Variants in SLC12A6 observed in about 807,000 individuals in gnomAD.
The protein encoded by SLC12A6 is solute carrier family 12 member 6, also known as K-Cl cotransporter 3.
In SLC12A6, 66 loss-of-function variants were observed where a neutral mutation model predicts 135.3. The observed-to-expected ratio is 0.49, with a 90% CI of 0.40 to 0.60. The LOEUF is 0.60. Among genes scored for constraint, SLC12A6 ranks in the 20% least tolerant of loss-of-function variants. SLC12A6 has a pLI of 0.00. For synonymous variants in SLC12A6, 513 were observed against 508.8 expected (o/e 1.01, Z -0.11); for missense variants, 1,058 against 1,452.3 (o/e 0.73, Z 4.41).
chr15:34,292,010 C>G (rs419179), intron 2 of SLC12A6, among the ~76,000 whole-genome samples: 58,217 of 151,578 alleles, frequency 0.38, 14,138 homozygotes, highest in African/African-American at 0.7. Context: ...CATTCTCCAT[C>G]CAGTTTTGTT....
At position 34,336,582 on chromosome 15, in the gene SLC12A6, C is replaced by T. The variant is rs1313511406; in HGVS notation, c.99G>A (p.Pro33=). ...GGGAACTAGATCGAGAGCTGAGGTC[C>T]GGACTGGTGTCTGACAAACCTGGAA... The part of the protein sequence containing the change: ...DDIPGLSDTS[P]DLSSRSSSRV... Residue 33 remains proline (P), a synonymous_variant, in exon 2 of 26, where the codon CCG becomes CCA. Transcript: ENST00000354181. 3.7e-6 allele frequency: 6 copies of T among 1,613,664 alleles called. No individual in the cohort carries two copies. The highest frequency in any genetic ancestry group is 1.3e-5 in the African/African-American group (1 of 74,884).
chr15:34,300,458 C>T (rs1168164008), intron 2 of SLC12A6, among the ~76,000 whole-genome samples: 6 of 151,970 alleles, frequency 3.9e-5, no homozygotes, highest in African/African-American at 1.5e-4. Flanking sequence ...GTGAGATTCC[C>T]CTACTCCCCT....
intron 2 of SLC12A6, among the ~76,000 whole-genome samples, chr15:34,293,824 A>T (rs542989725): frequency 1.3e-4 from 20 of 152,280 alleles, no homozygotes; most frequent in African/African-American, 4.6e-4. Flanking sequence ...GGCTGGCCAC[A>T]AACTCCTGTT....
chr15:34,269,809 A>G (rs1893789389), intron 3 of SLC12A6, among the ~76,000 whole-genome samples: 1 of 151,918 alleles, frequency 6.6e-6, no homozygotes. Flanking sequence ...GAGGAAAACT[A>G]CTTCACAGTG....
chr15:34,284,277 CTTTTTTTTTTTT>C (rs71415558), intron 2 of SLC12A6, among the ~76,000 whole-genome samples: 23 of 92,494 alleles, frequency 2.5e-4, no homozygotes, highest in African/African-American at 4.0e-4. Flanking sequence ...TGTTTCTTTT[CTTTTTTTTTTTT>C]TTTTTTTTTT....
chr15:34,245,965 C>A, intron 13 of SLC12A6, 98 bp from the exon 14 acceptor site: 1 of 892,442 alleles, frequency 1.1e-6, no homozygotes, highest in South Asian at 1.4e-5. Context: ...CAGAATCTCA[C>A]TCTGTCACCC....
rs773146624 is a variant in SLC12A6, at chr15:34,260,921, A to G, written c.411+5T>C. Reference sequence around the variant, plus strand: ...CTCAGTCCATAGTTTTCTCCAAAATATTACCTCAAAGAGTGCCAAATTTTT... The same window carrying G: ...CTCAGTCCATAGTTTTCTCCAAAATGTTACCTCAAAGAGTGCCAAATTTTT... On this transcript the variant is annotated splice_donor_5th_base_variant and intron_variant, in intron 4 of 25. Coordinates refer to ENST00000354181, the MANE Select transcript of SLC12A6 (RefSeq NM_001365088.1). 6 of 1,180,218 alleles carry G rather than the reference A, an allele frequency of 5.1e-6. No homozygotes were observed. Among genetic ancestry groups the G allele is most frequent in the Non-Finnish European group, 7.7e-6 (6 of 784,130 alleles). 73.1% of individuals were successfully genotyped at this position (1,180,218 alleles called of 1,614,324 possible). A position where few individuals can be genotyped will look rare whatever the true frequency, so the allele number is the denominator to read the frequency against.
chr15:34,260,446 G>T (rs543188044), intron 4 of SLC12A6, among the ~76,000 whole-genome samples: 3 of 151,730 alleles, frequency 2.0e-5, no homozygotes, highest in Admixed American at 2.0e-4. Context: ...TTTTAGTAGA[G>T]ACGGGGTTTC....
At chr15:34,251,206 C>T in intron 10 of SLC12A6, 149 bp from the exon 11 acceptor site, 1 of 662,478 alleles carries the variant, frequency 1.5e-6, no homozygotes, top group African/African-American at 1.8e-5. Context: ...TATACACACA[C>T]ATTGCACAAT....
chr15:34,231,740 C>A lies in SLC12A6; in HGVS notation c.*2141G>T, dbSNP rs1343423005. 1 of 152,116 alleles carries A rather than the reference C, an allele frequency of 6.6e-6. No individual in the cohort carries two copies. Among genetic ancestry groups the A allele is most frequent in the Admixed American group, 6.6e-5 (1 of 15,254 alleles). The allele number at this position is 152,116 out of a possible 1,614,324, so 9.4% of individuals were successfully genotyped here. A position where few individuals can be genotyped will look rare whatever the true frequency, so the allele number is the denominator to read the frequency against. ...AAGTAGCTGGGACTACAGGCGCCCGCCACCATGCCCGACTAATTTTTTTGT... is the reference window on the plus strand; with the variant it reads ...AAGTAGCTGGGACTACAGGCGCCCGACACCATGCCCGACTAATTTTTTTGT... On this transcript the variant is annotated 3_prime_UTR_variant, in exon 26 of 26. Coordinates refer to ENST00000354181, the MANE Select transcript of SLC12A6 (RefSeq NM_001365088.1).
intron 2 of SLC12A6, among the ~76,000 whole-genome samples, chr15:34,327,833 AAAAT>A (rs1248187532): frequency 6.6e-6 from 1 of 152,172 alleles, no homozygotes; most frequent in Non-Finnish European, 1.5e-5. Context: ...AGCAATATGA[AAAAT>A]AAATAGCTTT....
intron 2 of SLC12A6, among the ~76,000 whole-genome samples, chr15:34,283,310 T>G (rs1894810111): frequency 6.6e-6 from 1 of 152,028 alleles, no homozygotes; most frequent in African/African-American, 2.4e-5. Flanking sequence ...ACCATTGCAC[T>G]CCAACCTGGG....
chr15:34,323,940 C>CAAAAAAAAAAAAAAA (rs144461318), intron 2 of SLC12A6, among the ~76,000 whole-genome samples: 11 of 130,990 alleles, frequency 8.4e-5, no homozygotes, highest in African/African-American at 1.5e-4. Context: ...GATCTTGTCT[C>CAAAAAAAAAAAAAAA]AAAAAAAAAA....
At chr15:34,272,544 C>T (rs1894036454) in intron 3 of SLC12A6, among the ~76,000 whole-genome samples, 1 of 152,118 alleles carries the variant, frequency 6.6e-6, no homozygotes, top group African/African-American at 2.4e-5. Flanking sequence ...ATGGACATAC[C>T]TGATAATCTG....
intron 2 of SLC12A6, among the ~76,000 whole-genome samples, chr15:34,316,903 A>G (rs1268840344): frequency 6.6e-6 from 1 of 152,254 alleles, no homozygotes; most frequent in Non-Finnish European, 1.5e-5. Flanking sequence ...AGCTTATGAA[A>G]TTAACGAAGA....
chr15:34,323,112 T>C (rs1595573240), intron 2 of SLC12A6, among the ~76,000 whole-genome samples: 1 of 150,720 alleles, frequency 6.6e-6, no homozygotes, highest in South Asian at 2.1e-4. Flanking sequence ...GAGAAAATAT[T>C]CATAAAACAT....
chr15:34,337,481 CTG>C lies in SLC12A6; in HGVS notation c.-224_-223del, dbSNP rs1890276454. 6.6e-6 allele frequency: 1 copy of C among 152,572 alleles called. No homozygotes were observed. The highest frequency in any genetic ancestry group is 2.4e-5 in the African/African-American group (1 of 41,440). The allele number at this position is 152,572 out of a possible 1,614,324, so 9.5% of individuals were successfully genotyped here. ...GGTTAGCGGATCAAGACACCTCGGA[CTG>C]CAGCTCAGAGTCGTGGCAAGTCGTA... On this transcript the variant is annotated 5_prime_UTR_variant, in exon 1 of 26. Transcript: ENST00000354181.
At position 34,336,614 on chromosome 15, in the gene SLC12A6, C is replaced by T; in HGVS notation, c.67G>A (p.Asp23Asn). ...GTGTCTGACAAACCTGGAATGTCATCGATCTTTGTCGGTGTCACCATGAAC... is the reference window on the plus strand; with the variant it reads ...GTGTCTGACAAACCTGGAATGTCATTGATCTTTGTCGGTGTCACCATGAAC... ...VRFMVTPTKI[D>N]DIPGLSDTSP... The change falls in exon 2 of 26, where the codon GAT becomes AAT. Residue 23 changes from aspartate (D) to asparagine (N), a missense_variant. This residue lies in a region of SLC12A6 where 176 missense variants were observed against 168.9 expected (regional missense o/e 1.04). Transcript: ENST00000354181. 6.2e-7 allele frequency: 1 copy of T among 1,613,430 alleles called. No individual in the cohort carries two copies. The highest frequency in any genetic ancestry group is 8.5e-7 in the Non-Finnish European group (1 of 1,179,456).
intron 2 of SLC12A6, chr15:34,314,978 A>T (rs1194520723): frequency 6.6e-6 from 1 of 152,208 alleles, no homozygotes; most frequent in Non-Finnish European, 1.5e-5. Flanking sequence ...CAGAGACTGA[A>T]AATGTGACTG....
Sources: gnomAD v4.1 joint callset for allele counts (sites outside exome capture counted in the v4.1 genomes callset) on GRCh38, gnomAD v4.1.1 for gene constraint, gnomAD v4.1.1 regional missense constraint, MANE v1.5 for transcripts, NCBI Gene and HGNC (gene_info 2026-07-23, HGNC 2026-07-21) for gene names.